The following DNER variants were observed in gnomAD, a reference collection of about 807,000 sequenced individuals.
The protein encoded by DNER is delta and Notch-like epidermal growth factor-related receptor.
Under a neutral mutation model 78.2 loss-of-function variants are expected in DNER, and 33 were observed. That is an observed-to-expected ratio of 0.42 (90% CI 0.32 to 0.56). DNER has a LOEUF of 0.56. DNER is among the 20% of genes least tolerant of loss of function. The pLI, the probability that DNER is intolerant of heterozygous loss-of-function variation, is 0.11. For missense variants in DNER, 918 were observed against 975.3 expected (o/e 0.94, Z 0.78); for synonymous variants, 417 against 384.8 (o/e 1.08, Z -0.98).
At chr2:229,454,626 A>T (rs1054808683) in intron 7 of DNER, among the ~76,000 whole-genome samples, 2 of 151,998 alleles carry the variant, frequency 1.3e-5, no homozygotes, top group African/African-American at 2.4e-5. Flanking sequence ...ATCCAGTCTA[A>T]AAAAGAAAGT....
chr2:229,517,822 T>A (rs1050689969), intron 5 of DNER, among the ~76,000 whole-genome samples: 1 of 152,084 alleles, frequency 6.6e-6, no homozygotes, highest in African/African-American at 2.4e-5. Flanking sequence ...ACACGGCAGG[T>A]CCCACAGCAA....
chr2:229,555,013 A>G (rs957521893), intron 4 of DNER, among the ~76,000 whole-genome samples: 2 of 147,296 alleles, frequency 1.4e-5, no homozygotes, highest in African/African-American at 2.5e-5. Flanking sequence ...AAAAAGAGAA[A>G]GGGAAGGAAG....
intron 4 of DNER, among the ~76,000 whole-genome samples, chr2:229,548,832 G>A (rs962127): frequency 0.029 from 4,480 of 151,960 alleles, 194 homozygotes; most frequent in African/African-American, 0.094. Flanking sequence ...TAAAGATAGG[G>A]GATTTATTAA....
At chr2:229,618,860 A>AAC (rs1328489642) in intron 1 of DNER, among the ~76,000 whole-genome samples, 4 of 152,152 alleles carry the variant, frequency 2.6e-5, no homozygotes, top group Non-Finnish European at 5.9e-5. Flanking sequence ...TACATAGCTG[A>AAC]ACACACAGTG....
At chr2:229,441,106 C>T (rs1039323567) in intron 8 of DNER, among the ~76,000 whole-genome samples, 1 of 152,156 alleles carries the variant, frequency 6.6e-6, no homozygotes, top group Non-Finnish European at 1.5e-5. Flanking sequence ...GCCTTACTAC[C>T]TATTGCTGCA....
chr2:229,515,353 A>G (rs1464488375), intron 5 of DNER, among the ~76,000 whole-genome samples: 1 of 152,204 alleles, frequency 6.6e-6, no homozygotes, highest in East Asian at 1.9e-4. Flanking sequence ...GTGCATTGGA[A>G]GATTTGTGGC....
intron 1 of DNER, among the ~76,000 whole-genome samples, chr2:229,604,309 A>G (rs746213385): frequency 6.6e-6 from 1 of 152,244 alleles, no homozygotes; most frequent in Non-Finnish European, 1.5e-5. Context: ...GTGGGGTAGC[A>G]GGGAGTTGGA....
At chr2:229,640,428 G>A (rs561637930) in intron 1 of DNER, among the ~76,000 whole-genome samples, 2 of 151,758 alleles carry the variant, frequency 1.3e-5, no homozygotes, top group African/African-American at 4.8e-5. Context: ...GAGAAAAGTA[G>A]CTCAGTACAA....
chr2:229,570,873 G>A (rs1411123861), intron 4 of DNER, among the ~76,000 whole-genome samples: 3 of 152,138 alleles, frequency 2.0e-5, no homozygotes, highest in Non-Finnish European at 4.4e-5. Flanking sequence ...GTAGGAGCAC[G>A]GGGGAGAAGA....
At chr2:229,451,622 G>A (rs1694458372) in intron 7 of DNER, among the ~76,000 whole-genome samples, 2 of 152,216 alleles carry the variant, frequency 1.3e-5, no homozygotes, top group Non-Finnish European at 2.9e-5. Flanking sequence ...TGTGAAAACA[G>A]TGACATGAGA....
chr2:229,694,685 T>C (rs988660073), intron 1 of DNER, among the ~76,000 whole-genome samples: 1 of 152,208 alleles, frequency 6.6e-6, no homozygotes, highest in African/African-American at 2.4e-5. Flanking sequence ...ATTTCTCTCA[T>C]TTGGAACAGG....
At chr2:229,479,527 G>A (rs1379460982) in intron 6 of DNER, among the ~76,000 whole-genome samples, 2 of 151,912 alleles carry the variant, frequency 1.3e-5, no homozygotes, top group African/African-American at 4.8e-5. Context: ...AGCCTGACCA[G>A]CATGGCAAAA....
intron 1 of DNER, among the ~76,000 whole-genome samples, chr2:229,709,479 CTG>C (rs74456281): frequency 0.01 from 1,546 of 150,532 alleles, 25 homozygotes; most frequent in African/African-American, 0.033. Flanking sequence ...TTGTGTGTGT[CTG>C]TGTGTGTGTG....
rs1697540714 is a variant in DNER at position 229,588,459 on chromosome 2, G to A, written c.615C>T (p.Ala205=). The A allele has an allele frequency of 6.2e-7, 1 of 1,612,932 alleles. No individual in the cohort carries two copies. Residue 205 remains alanine, a synonymous_variant, in exon 3 of 13, where the codon GCC becomes GCT. Transcript: ENST00000341772. ...GGCCACCCGCAGAGCTGTTAGAACTGGCATTCCCACAGGCAATATCTGGGA... is the reference window on the plus strand; with the variant it reads ...GGCCACCCGCAGAGCTGTTAGAACTAGCATTCCCACAGGCAATATCTGGGA... The part of the protein sequence containing the change: ...EVIPDIACGN[A]SSNSSAGGRL...
At chr2:229,460,589 A>G (rs1355708452) in intron 7 of DNER, among the ~76,000 whole-genome samples, 5 of 152,088 alleles carry the variant, frequency 3.3e-5, no homozygotes, top group African/African-American at 9.7e-5. Flanking sequence ...CACAATAAGA[A>G]ACATCTGATG....
intron 1 of DNER, among the ~76,000 whole-genome samples, chr2:229,696,145 T>C (rs1309183511): frequency 6.6e-6 from 1 of 152,208 alleles, no homozygotes; most frequent in Non-Finnish European, 1.5e-5. Context: ...CTTTTAGCCC[T>C]GCTTTGGCTC....
intron 10 of DNER, among the ~76,000 whole-genome samples, chr2:229,404,176 G>A (rs941235730): frequency 1.3e-5 from 2 of 152,092 alleles, no homozygotes; most frequent in Non-Finnish European, 2.9e-5. Flanking sequence ...TTGGTAGTTG[G>A]ATGGAGGTAA....
intron 8 of DNER, among the ~76,000 whole-genome samples, chr2:229,434,900 G>T (rs911981174): frequency 1.5e-5 from 2 of 132,774 alleles, no homozygotes; most frequent in East Asian, 2.2e-4. Context: ...TACATATATA[G>T]AGACAATTTA....
chr2:229,592,033 G>T, intron 1 of DNER, 145 bp from the exon 2 acceptor site: 3 of 1,106,200 alleles, frequency 2.7e-6, no homozygotes, highest in Non-Finnish European at 3.7e-6. Flanking sequence ...TTGTGCTGTT[G>T]TGGGGTGGGG....
Sources: allele counts gnomAD v4.1 joint callset (sites outside exome capture counted in the v4.1 genomes callset), GRCh38; gene constraint gnomAD v4.1.1; transcripts MANE v1.5; gene names NCBI Gene and HGNC (gene_info 2026-07-23, HGNC 2026-07-21).